RABGAP1L: variants seen among roughly 807,000 people sequenced by gnomAD.
The protein encoded by RABGAP1L is rab GTPase-activating protein 1-like.
In RABGAP1L, 63 loss-of-function variants were observed where a neutral mutation model predicts 137.7. That is an observed-to-expected ratio of 0.46 (90% CI 0.37 to 0.56). The LOEUF (loss-of-function observed/expected upper bound fraction) is 0.56. Among genes scored for constraint, RABGAP1L ranks in the 20% least tolerant of loss-of-function variants. RABGAP1L has a pLI of 0.00. For synonymous variants in RABGAP1L, 431 were observed against 433.7 expected (o/e 0.99, Z 0.08); for missense variants, 1,095 against 1,244.0 (o/e 0.88, Z 1.80).
intron 1 of RABGAP1L, among the ~76,000 whole-genome samples, chr1:174,170,686 A>C (rs906327655): frequency 6.6e-6 from 1 of 151,640 alleles, no homozygotes. Context: ...AAAAAAAAAA[A>C]AAAAAAAATC....
At chr1:174,493,645 CTT>C (rs1660469881) in intron 13 of RABGAP1L, among the ~76,000 whole-genome samples, 1 of 151,618 alleles carries the variant, frequency 6.6e-6, no homozygotes, top group Non-Finnish European at 1.5e-5. Flanking sequence ...CATGGCAAAA[CTT>C]TGTCTCTACT....
chr1:174,479,479 C>G (rs1658853624), intron 13 of RABGAP1L, among the ~76,000 whole-genome samples: 1 of 152,140 alleles, frequency 6.6e-6, no homozygotes, highest in Admixed American at 6.6e-5. Context: ...TGCATATGGA[C>G]TAACACCACA....
intron 19 of RABGAP1L, among the ~76,000 whole-genome samples, chr1:174,935,878 G>A (rs1003517795): frequency 2.0e-5 from 3 of 151,252 alleles, no homozygotes; most frequent in Admixed American, 6.6e-5. Flanking sequence ...CTACTCAGAA[G>A]GCTGAGGCAG....
intron 13 of RABGAP1L, among the ~76,000 whole-genome samples, chr1:174,548,810 A>G (rs547276337): frequency 6.6e-6 from 1 of 152,330 alleles, no homozygotes; most frequent in South Asian, 2.1e-4. Flanking sequence ...AAGTAACACT[A>G]AAAGTATACC....
chr1:174,210,393 ATAAT>A (rs2148428481), intron 1 of RABGAP1L, among the ~76,000 whole-genome samples: 3 of 152,362 alleles, frequency 2.0e-5, no homozygotes, highest in African/African-American at 7.2e-5. Context: ...ACAGATTTAA[ATAAT>A]TAAAAAGAAT....
chr1:174,546,984 C>A (rs569062458), intron 13 of RABGAP1L, among the ~76,000 whole-genome samples: 2 of 133,294 alleles, frequency 1.5e-5, no homozygotes, highest in South Asian at 5.0e-4. Flanking sequence ...GAGCAGAGAT[C>A]GCGCCACTGC....
chr1:174,555,539 CCA>C (rs1491426498), intron 13 of RABGAP1L, among the ~76,000 whole-genome samples: 2 of 149,466 alleles, frequency 1.3e-5, no homozygotes, highest in African/African-American at 5.1e-5. Context: ...TGTCCCCCCC[CCA>C]AAAAAAATGT....
At chr1:174,754,112 C>T (rs1684540262) in intron 18 of RABGAP1L, among the ~76,000 whole-genome samples, 1 of 152,242 alleles carries the variant, frequency 6.6e-6, no homozygotes, top group South Asian at 2.1e-4. Flanking sequence ...AGGACATACT[C>T]TGGCCACTGG....
In RABGAP1L at chr1:174,324,757, C is replaced by T. The variant is rs540239889; in HGVS notation, c.1465+19630C>T. ...AATGATGACAATATGAGAGCCAAGA[C>T]AGGGATAGAATAAGGGATGGAGATT... On this transcript the variant is annotated intron_variant, in intron 11 of 25. Transcript: ENST00000681986. Among the ~76,000 whole-genome samples the T allele has an allele frequency of 1.5e-4, 23 of 152,194 alleles. No homozygotes were observed. The East Asian group carries it at 3.9e-3, about 26-fold the overall frequency.
At chr1:174,390,473 A>G (rs1465019378) in intron 12 of RABGAP1L, among the ~76,000 whole-genome samples, 1 of 152,190 alleles carries the variant, frequency 6.6e-6, no homozygotes, top group East Asian at 1.9e-4. Flanking sequence ...AATATAGTTA[A>G]ATCATTATGT....
rs555226147 is a variant in RABGAP1L, at chr1:174,177,951, C to G, written c.-34+18294C>G. Among the ~76,000 whole-genome samples, 8 of 152,268 alleles carry G rather than the reference C, an allele frequency of 5.3e-5. No individual in the cohort carries two copies. In the South Asian group the frequency reaches 1.7e-3, roughly 32 times the overall value. On this transcript the variant is annotated intron_variant, in intron 1 of 25. Transcript: ENST00000681986. ...CTTTGTTCTTTTTGCTTAAGGTTGT[C>G]TTGGCTATATGGATTGTTTTTTGGT... is the stretch of plus-strand genomic sequence containing the variant.
intron 13 of RABGAP1L, among the ~76,000 whole-genome samples, chr1:174,420,889 A>C (rs548200325): frequency 6.6e-6 from 1 of 151,826 alleles, no homozygotes; most frequent in African/African-American, 2.4e-5. Flanking sequence ...GTTCGCCAGG[A>C]TGGTCTCGAT....
chr1:174,573,563 G>C (rs78912326), intron 13 of RABGAP1L, among the ~76,000 whole-genome samples: 9,947 of 152,036 alleles, frequency 0.065, 461 homozygotes, highest in Non-Finnish European at 0.093. Context: ...AAGGCACTGG[G>C]ATTTTTCTTT....
At chr1:174,557,889 T>G (rs563099617) in intron 13 of RABGAP1L, among the ~76,000 whole-genome samples, 78 of 152,326 alleles carry the variant, frequency 5.1e-4, no homozygotes, top group African/African-American at 1.8e-3. Context: ...CCACATCAAC[T>G]TGGGGTCAGG....
At chr1:174,223,264 T>TAAAA (rs550034492) in intron 3 of RABGAP1L, among the ~76,000 whole-genome samples, 1,231 of 39,814 alleles carry the variant, frequency 0.031, 189 homozygotes, top group East Asian at 0.24. Context: ...AGACTCTGTC[T>TAAAA]AAAAAAAAAA....
intron 13 of RABGAP1L, among the ~76,000 whole-genome samples, chr1:174,582,249 G>T (rs2148092063): frequency 6.6e-6 from 1 of 152,148 alleles, no homozygotes; most frequent in East Asian, 1.9e-4. Flanking sequence ...GTGGCACGCT[G>T]CACTCCAGCC....
At chr1:174,233,613 G>C (rs1196571248) in intron 4 of RABGAP1L, among the ~76,000 whole-genome samples, 2 of 137,826 alleles carry the variant, frequency 1.5e-5, no homozygotes, top group South Asian at 2.2e-4. Context: ...TTTTATGGCT[G>C]CATAGTATTC....
intron 11 of RABGAP1L, among the ~76,000 whole-genome samples, chr1:174,349,127 G>A (rs1308138693): frequency 7.7e-5 from 10 of 130,090 alleles, no homozygotes; most frequent in Middle Eastern, 4.3e-3. Context: ...CCTCCCGGAC[G>A]GGGCGGCTGG....
At chr1:174,769,257 T>TG (rs1427069559) in intron 18 of RABGAP1L, among the ~76,000 whole-genome samples, 1 of 151,848 alleles carries the variant, frequency 6.6e-6, no homozygotes, top group African/African-American at 2.4e-5. Context: ...GCTGATTGGT[T>TG]GGGGGCACAA....
Sources: gnomAD v4.1 joint callset for allele counts (sites outside exome capture counted in the v4.1 genomes callset) on GRCh38, gnomAD v4.1.1 for gene constraint, MANE v1.5 for transcripts, NCBI Gene and HGNC (gene_info 2026-07-23, HGNC 2026-07-21) for gene names.